The following CAMK2G variants were observed in gnomAD, a reference collection of about 807,000 sequenced individuals.
CAMK2G encodes calcium/calmodulin dependent protein kinase II gamma, also known as calcium/calmodulin-dependent protein kinase type II subunit gamma.
A neutral mutation model predicts 88.7 loss-of-function variants in CAMK2G; 23 were observed. The observed-to-expected ratio is 0.26, with a 90% CI of 0.19 to 0.37. CAMK2G has a LOEUF of 0.37. CAMK2G is among the 10% of genes least tolerant of loss of function. CAMK2G has a pLI of 1.00. For synonymous variants in CAMK2G, 263 were observed against 294.8 expected (o/e 0.89, Z 1.11); for missense variants, 476 against 780.8 (o/e 0.61, Z 4.65).
chr10:73,861,680 A>G (rs2095384305), intron 2 of CAMK2G, among the ~76,000 whole-genome samples: 1 of 152,176 alleles, frequency 6.6e-6, no homozygotes, highest in African/African-American at 2.4e-5. Flanking sequence ...TGTTAGGAAC[A>G]CTAATAATAG....
intron 2 of CAMK2G, among the ~76,000 whole-genome samples, chr10:73,866,199 G>A (rs1303437799): frequency 1.3e-5 from 2 of 152,188 alleles, no homozygotes; most frequent in Non-Finnish European, 1.5e-5. Flanking sequence ...TTGGTCCAAG[G>A]TGCCACGATT....
intron 10 of CAMK2G, among the ~76,000 whole-genome samples, chr10:73,843,969 AG>A (rs1284195800): frequency 1.3e-5 from 2 of 152,224 alleles, no homozygotes; most frequent in Non-Finnish European, 2.9e-5. Flanking sequence ...CCCTTGGCTC[AG>A]GAGCCCCCTC....
chr10:73,865,247 TC>T (rs955057218), intron 2 of CAMK2G, among the ~76,000 whole-genome samples: 10 of 152,242 alleles, frequency 6.6e-5, no homozygotes, highest in African/African-American at 2.4e-4. Flanking sequence ...GGAGTGTCCC[TC>T]CCTGTTTTGG....
At chr10:73,866,019 C>T (rs944187616) in intron 2 of CAMK2G, among the ~76,000 whole-genome samples, 4 of 152,214 alleles carry the variant, frequency 2.6e-5, no homozygotes, top group African/African-American at 9.7e-5. Flanking sequence ...GCAGGTTTTC[C>T]CCATCATTAG....
chr10:73,821,812 T>G, intron 17 of CAMK2G, 82 bp from the exon 18 acceptor site: 1 of 1,145,092 alleles, frequency 8.7e-7, no homozygotes, highest in Admixed American at 1.9e-5. Flanking sequence ...GCAGAGTTTC[T>G]GCTCCTACAA....
intron 5 of CAMK2G, among the ~76,000 whole-genome samples, chr10:73,849,894 G>A (rs1028983329): frequency 6.6e-6 from 1 of 152,134 alleles, no homozygotes; most frequent in Non-Finnish European, 1.5e-5. Context: ...GCTAAAACAA[G>A]TACAAAGATA....
rs773773016 is a variant in CAMK2G at position 73,813,275 on chromosome 10, T to G, written c.*1243A>C. Reference sequence around the variant, plus strand: ...TACATGCGGGGAGGGGTGATGCCCATGCAGATTGTCCAGCAGTAAGTCTAT... The same window carrying G: ...TACATGCGGGGAGGGGTGATGCCCAGGCAGATTGTCCAGCAGTAAGTCTAT... On this transcript the variant is annotated 3_prime_UTR_variant, in exon 23 of 23. Transcript: ENST00000423381. 1 of 152,688 alleles carries G rather than the reference T, an allele frequency of 6.5e-6. No individual in the cohort carries two copies. The highest frequency in any genetic ancestry group is 1.5e-5 in the Non-Finnish European group (1 of 68,070). The allele number at this position is 152,688 out of a possible 1,614,324, so 9.5% of individuals were successfully genotyped here.
At chr10:73,850,421 C>T (rs867093029) in intron 5 of CAMK2G, among the ~76,000 whole-genome samples, 15 of 152,066 alleles carry the variant, frequency 9.9e-5, no homozygotes, top group African/African-American at 2.4e-4. Context: ...ATTTGCCGCC[C>T]GCCCCCCCCC....
intron 21 of CAMK2G, chr10:73,816,694 C>T (rs1242179288): frequency 1.1e-5 from 12 of 1,108,948 alleles, no homozygotes; most frequent in Non-Finnish European, 1.3e-5. Context: ...CTCCTGACCT[C>T]GTGATCCGCC....
intron 2 of CAMK2G, among the ~76,000 whole-genome samples, chr10:73,865,753 A>G (rs1047219228): frequency 1.3e-5 from 2 of 152,148 alleles, no homozygotes; most frequent in African/African-American, 4.8e-5. Flanking sequence ...AGGTGCTGCA[A>G]AGGTGTCTCC....
chr10:73,870,810 G>C (rs1021095247), intron 2 of CAMK2G, among the ~76,000 whole-genome samples: 2 of 152,106 alleles, frequency 1.3e-5, no homozygotes, highest in African/African-American at 4.8e-5. Flanking sequence ...GAGTCTGCAG[G>C]GAAGCCATGG....
rs540596400 is a variant in CAMK2G at position 73,840,077 on chromosome 10, C to T, written c.947-476G>A. ...ACATCCCACACACTAGAGGGACTGG[C>T]GTGGGGGTCCCAGGGAGGGTCTGTG... On this transcript the variant is annotated intron_variant, in intron 12 of 22. Coordinates refer to ENST00000423381, the MANE Select transcript of CAMK2G (RefSeq NM_001367534.1). 3.7e-3 allele frequency among the ~76,000 whole-genome samples: 558 copies of T among 152,276 alleles called. 1 individual carries two copies. Among genetic ancestry groups the T allele is most frequent in the Non-Finnish European group, 5.8e-3 (393 of 68,002 alleles).
chr10:73,842,568 G>C lies in CAMK2G; in HGVS notation c.820-27C>G, dbSNP rs1190999617. ...TAGAAACCAAACAGACAGGCTATGA[G>C]CCCCAGCCCAGATCCTCTGCGCCTC... On this transcript the variant is annotated intron_variant, in intron 10 of 22. Transcript: ENST00000423381. The surrounding 1 kb of genome is among the most constrained non-coding windows in gnomAD (Gnocchi z 4.6). The C allele has an allele frequency of 6.4e-7, 1 of 1,554,762 alleles. No individual in the cohort carries two copies. The highest frequency in any genetic ancestry group is 8.9e-7 in the Non-Finnish European group (1 of 1,126,470).
rs1301956090 is a variant in CAMK2G, at chr10:73,873,044, G to A, written c.105C>T (p.Thr35=). Residue 35 remains threonine (T), a synonymous_variant, in exon 2 of 23, where the codon ACC becomes ACT. Coordinates refer to ENST00000423381, the MANE Select transcript of CAMK2G (RefSeq NM_001367534.1). ...TTTTTGCTGCGTACTCCTGCGTGGAGGTTTTCTTCACACACCTGCGGACCA... is the reference window on the plus strand; with the variant it reads ...TTTTTGCTGCGTACTCCTGCGTGGAAGTTTTCTTCACACACCTGCGGACCA... The part of the protein sequence containing the change: ...FSVVRRCVKK[T]STQEYAAKII... 1 of 1,613,758 alleles carries A rather than the reference G, an allele frequency of 6.2e-7. No individual in the cohort carries two copies. The highest frequency in any genetic ancestry group is 1.1e-5 in the South Asian group (1 of 91,060).
chr10:73,847,008 G>T (rs1005474690), intron 10 of CAMK2G: 2 of 539,330 alleles, frequency 3.7e-6, no homozygotes, highest in South Asian at 2.4e-5. Context: ...AGCCATGAGT[G>T]GGGGAGAGAG....
At chr10:73,855,541 C>T (rs1351735771) in intron 3 of CAMK2G, among the ~76,000 whole-genome samples, 1 of 152,010 alleles carries the variant, frequency 6.6e-6, no homozygotes, top group Non-Finnish European at 1.5e-5. Flanking sequence ...CCACCCCATG[C>T]CCCACACCAC....
chr10:73,817,431 G>C (rs753624898), intron 20 of CAMK2G, 48 bp downstream of exon 20: 1 of 1,265,002 alleles, frequency 7.9e-7, no homozygotes, highest in East Asian at 2.3e-5. Flanking sequence ...AGCAGGGAAG[G>C]CCTTGGGAGA....
chr10:73,864,577 A>G (rs1206294835), intron 2 of CAMK2G, among the ~76,000 whole-genome samples: 1 of 152,224 alleles, frequency 6.6e-6, no homozygotes, highest in Admixed American at 6.5e-5. Flanking sequence ...ATTAGGACCC[A>G]AAGTAGGTGA....
chr10:73,853,083 G>A, intron 4 of CAMK2G, 109 bp downstream of exon 4: 4 of 1,004,954 alleles, frequency 4.0e-6, no homozygotes, highest in East Asian at 2.4e-5. Context: ...TCGGACAAAG[G>A]AGGGGGCCCT....
Sources: gnomAD v4.1 joint callset for allele counts (sites outside exome capture counted in the v4.1 genomes callset) on GRCh38, gnomAD v4.1.1 for gene constraint, Gnocchi (gnomAD v3.1) non-coding constraint, MANE v1.5 for transcripts, NCBI Gene and HGNC (gene_info 2026-07-23, HGNC 2026-07-21) for gene names.